Variants in BHMT observed in about 807,000 individuals in gnomAD.
BHMT encodes betaine--homocysteine S-methyltransferase 1.
In BHMT, 38 loss-of-function variants were observed where a neutral mutation model predicts 49.5. The observed-to-expected ratio is 0.77, with a 90% CI of 0.59 to 1.01. The LOEUF is 1.01. BHMT is among the 50% of genes least tolerant of loss of function. The pLI is 0.00. For missense variants in BHMT, 426 were observed against 495.7 expected (o/e 0.86, Z 1.34); for synonymous variants, 166 against 176.3 (o/e 0.94, Z 0.46).
At chr5:79,117,922 C>T (rs1449022070) in intron 2 of BHMT, among the ~76,000 whole-genome samples, 2 of 152,024 alleles carry the variant, frequency 1.3e-5, no homozygotes, top group Non-Finnish European at 2.9e-5. Context: ...CACTATCTTA[C>T]AATGGCAGTT....
chr5:79,113,083 G>A (rs1205310708), intron 1 of BHMT, among the ~76,000 whole-genome samples: 1 of 152,018 alleles, frequency 6.6e-6, no homozygotes, highest in Non-Finnish European at 1.5e-5. Flanking sequence ...TAAAGGGATG[G>A]CCTCCCAAAT....
At chr5:79,115,273 T>TGAA (rs1756368675) in intron 1 of BHMT, among the ~76,000 whole-genome samples, 1 of 151,220 alleles carries the variant, frequency 6.6e-6, no homozygotes, top group South Asian at 2.1e-4. Context: ...TTCAAGTTCC[T>TGAA]CTGGGCACAT....
intron 1 of BHMT, among the ~76,000 whole-genome samples, chr5:79,114,797 G>A (rs1306252983): frequency 2.6e-5 from 4 of 152,140 alleles, no homozygotes; most frequent in African/African-American, 9.7e-5. Flanking sequence ...AAATGAGAGA[G>A]AGATCTCAAT....
chr5:79,120,985 T>C (rs894388713), intron 4 of BHMT, among the ~76,000 whole-genome samples: 1 of 152,090 alleles, frequency 6.6e-6, no homozygotes, highest in Non-Finnish European at 1.5e-5. Flanking sequence ...ACCCCGTCTC[T>C]ACTAAAAATA....
chr5:79,115,370 AGTTT>A (rs1040854269), intron 1 of BHMT, among the ~76,000 whole-genome samples: 7 of 128,502 alleles, frequency 5.4e-5, no homozygotes, highest in Admixed American at 2.5e-4. Context: ...CCCTCTCTTT[AGTTT>A]GTTGATAGAG....
chr5:79,120,225 A>C (rs114070281), intron 3 of BHMT, 125 bp from the exon 4 acceptor site: 6 of 986,898 alleles, frequency 6.1e-6, no homozygotes, highest in Non-Finnish European at 8.7e-6. Flanking sequence ...GAACTATTCC[A>C]TAACAGTCAT....
At chr5:79,117,857 C>T (rs2112724374) in intron 2 of BHMT, among the ~76,000 whole-genome samples, 1 of 152,252 alleles carries the variant, frequency 6.6e-6, no homozygotes, top group Admixed American at 6.5e-5. Context: ...ACGAAAACAA[C>T]CAAGTTTTTG....
chr5:79,112,017 T>C, intron 1 of BHMT, 99 bp downstream of exon 1: 1 of 1,330,124 alleles, frequency 7.5e-7, no homozygotes, highest in Non-Finnish European at 1.0e-6. Flanking sequence ...CCCTGCCTGG[T>C]ACCCATCATC....
At chr5:79,130,521 G>A (rs777821649) in intron 7 of BHMT, among the ~76,000 whole-genome samples, 1 of 151,762 alleles carries the variant, frequency 6.6e-6, no homozygotes, top group Non-Finnish European at 1.5e-5. Context: ...ACAGCATCAT[G>A]GATGGAGACA....
chr5:79,115,607 C>T (rs1200445683), intron 1 of BHMT, among the ~76,000 whole-genome samples, 160 bp from the exon 2 acceptor site: 2 of 152,106 alleles, frequency 1.3e-5, no homozygotes, highest in Admixed American at 1.3e-4. Flanking sequence ...GGTTGTTTGT[C>T]TTATAGATAG....
rs1756654746 is a variant in BHMT, at chr5:79,132,275, G to C, written c.*1159G>C. Reference sequence around the variant, plus strand: ...AATTCTTTTCAGCTATTAAAAAGAAGAGCAATGAGACTATATTGCTTGTAT... The same window carrying C: ...AATTCTTTTCAGCTATTAAAAAGAACAGCAATGAGACTATATTGCTTGTAT... On this transcript the variant is annotated 3_prime_UTR_variant, in exon 8 of 8. Transcript: ENST00000274353. The C allele has an allele frequency of 1.3e-5, 2 of 152,176 alleles. No individual in the cohort carries two copies. The highest frequency in any genetic ancestry group is 4.1e-4 in the South Asian group (2 of 4,832). The allele number at this position is 152,176 out of a possible 1,614,324, so 9.4% of individuals were successfully genotyped here. A position where few individuals can be genotyped will look rare whatever the true frequency, so the allele number is the denominator to read the frequency against.
At chr5:79,121,012 G>T (rs906825464) in intron 4 of BHMT, among the ~76,000 whole-genome samples, 8 of 152,038 alleles carry the variant, frequency 5.3e-5, no homozygotes, top group Admixed American at 4.6e-4. Flanking sequence ...TTAGCCAGGC[G>T]TGGTGGCGGG....
At chr5:79,115,634 A>T in intron 1 of BHMT, 133 bp from the exon 2 acceptor site, 1 of 1,012,324 alleles carries the variant, frequency 9.9e-7, no homozygotes, top group Non-Finnish European at 1.4e-6. Flanking sequence ...ATGTATATAT[A>T]AAATATACAT....
chr5:79,117,398 G>GA (rs1351736386), intron 2 of BHMT, among the ~76,000 whole-genome samples: 11 of 151,866 alleles, frequency 7.2e-5, no homozygotes, highest in Non-Finnish European at 5.9e-5. Context: ...TTGATATATG[G>GA]AACTCCCTAT....
intron 4 of BHMT, 109 bp downstream of exon 4, chr5:79,120,650 A>AT: frequency 1.0e-5 from 10 of 990,642 alleles, no homozygotes; most frequent in Non-Finnish European, 1.4e-5. Context: ...AACTAGCAAT[A>AT]GTAATATTTA....
At chr5:79,118,287 G>A (rs574731988) in intron 2 of BHMT, among the ~76,000 whole-genome samples, 7 of 152,190 alleles carry the variant, frequency 4.6e-5, no homozygotes, top group African/African-American at 7.2e-5. Context: ...CCAACATGGC[G>A]AAACCCTGCC....
intron 1 of BHMT, among the ~76,000 whole-genome samples, chr5:79,113,739 C>A (rs1756342532): frequency 6.6e-6 from 1 of 152,050 alleles, no homozygotes; most frequent in Non-Finnish European, 1.5e-5. Context: ...CACATTCCAC[C>A]TTTTAAAAAG....
intron 5 of BHMT, among the ~76,000 whole-genome samples, chr5:79,121,817 TAA>T (rs34861837): frequency 7.9e-5 from 10 of 126,208 alleles, no homozygotes; most frequent in Admixed American, 1.6e-4. Flanking sequence ...TCCGTCTCAA[TAA>T]AAAAAAAAAA....
chr5:79,120,564 A>T, intron 4 of BHMT, 23 bp downstream of exon 4: 1 of 1,592,324 alleles, frequency 6.3e-7, no homozygotes, highest in South Asian at 1.2e-5. Context: ...GTGGTGAAAG[A>T]TAAGACAAAT....
Sources: allele counts gnomAD v4.1 joint callset (sites outside exome capture counted in the v4.1 genomes callset), GRCh38; gene constraint gnomAD v4.1.1; transcripts MANE v1.5; gene names NCBI Gene and HGNC (gene_info 2026-07-23, HGNC 2026-07-21).